Variants in LRRC36 observed in about 807,000 individuals in gnomAD.
LRRC36 encodes the protein leucine-rich repeat-containing protein 36.
A neutral mutation model predicts 81.1 loss-of-function variants in LRRC36; 62 were observed. That is an observed-to-expected ratio of 0.76 (90% CI 0.62 to 0.94). The LOEUF (loss-of-function observed/expected upper bound fraction) is 0.94, where lower values mean the gene tolerates loss of function less well. Among genes scored for constraint, LRRC36 ranks in the 40% least tolerant of loss-of-function variants. LRRC36 has a pLI of 0.00. For missense variants in LRRC36, 761 were observed against 881.7 expected, an observed-to-expected ratio of 0.86 and a Z score of 1.73; for synonymous variants, 334 against 348.6, an observed-to-expected ratio of 0.96 and a Z score of 0.47.
rs528441082 is a variant in LRRC36, at chr16:67,341,153, C to G, written c.71-804C>G. Among the ~76,000 whole-genome samples, 13 of 120,822 alleles carry G rather than the reference C, an allele frequency of 1.1e-4. No homozygotes were observed. In the South Asian group the frequency reaches 1.8e-3, roughly 17 times the overall value. 79.3% of individuals were successfully genotyped at this position (120,822 alleles called of 152,430 possible). A position where few individuals can be genotyped will look rare whatever the true frequency, so the allele number is the denominator to read the frequency against. ...CTACATATTCTATAGAATATGTACT[C>G]TACATATTCTATAGAATATGTACTC... On this transcript the variant is annotated intron_variant, in intron 1 of 13. Transcript: ENST00000329956.
chr16:67,382,585 CTGCTAT>C (rs2040153856), intron 13 of LRRC36, among the ~76,000 whole-genome samples: 1 of 152,104 alleles, frequency 6.6e-6, no homozygotes, highest in African/African-American at 2.4e-5. Context: ...TGGAAAGTGC[CTGCTAT>C]TGGTCACGAA....
In LRRC36 at chr16:67,377,783, C is replaced by T. The variant is rs1419380202; in HGVS notation, c.1807-806C>T. On this transcript the variant is annotated intron_variant, in intron 11 of 13. Transcript: ENST00000329956. ...CCAAGTTGCTAGGACTACAGGCACA[C>T]GCCACCATGCCCAGCTAATTTTTGT... is the stretch of plus-strand genomic sequence containing the variant. Among the ~76,000 whole-genome samples, 7 of 151,904 alleles carry T rather than the reference C, an allele frequency of 4.6e-5. No homozygotes were observed. In the South Asian group the frequency reaches 1.2e-3, roughly 27 times the overall value.
intron 1 of LRRC36, among the ~76,000 whole-genome samples, chr16:67,341,072 T>C (rs1336534160): frequency 8.6e-6 from 1 of 115,882 alleles, no homozygotes. Context: ...CTATAGAATA[T>C]GTACTCTACA....
Position 67,367,447 on chromosome 16 carries a change from G to A in LRRC36, c.1185G>A (p.Lys395=). 6.2e-7 allele frequency: 1 copy of A among 1,610,346 alleles called. No individual in the cohort carries two copies. Among genetic ancestry groups the A allele is most frequent in the Non-Finnish European group, 8.5e-7 (1 of 1,178,040 alleles). ...NPDSSTGRLL[K]LSSDLYATTH... ...ACTCCAGCACTGGAAGGCTTTTGAA[G>A]CTTAGTTCAGGTAACAGCTTCCTGT... The change falls in exon 8 of 14, where the codon AAG becomes AAA. Residue 395 remains lysine, a synonymous_variant. Coordinates refer to ENST00000329956, the MANE Select transcript of LRRC36 (RefSeq NM_018296.6).
intron 5 of LRRC36, among the ~76,000 whole-genome samples, chr16:67,362,461 A>G (rs2039198669): frequency 1.3e-5 from 2 of 152,080 alleles, no homozygotes; most frequent in South Asian, 4.1e-4. Context: ...GTGCCTGGCC[A>G]GAAGTTTGAA....
In LRRC36 at chr16:67,364,043, C is replaced by T. The variant is rs554884630; in HGVS notation, c.702+329C>T. On this transcript the variant is annotated intron_variant, in intron 6 of 13. Coordinates refer to ENST00000329956, the MANE Select transcript of LRRC36 (RefSeq NM_018296.6). ...GGTTTTAAATTTTCTCCCCTCTATC[C>T]AATATCTCCATCTCCTGTTGCCTTG... 3.9e-5 allele frequency among the ~76,000 whole-genome samples: 6 copies of T among 152,326 alleles called. 1 individual carries two copies. Among genetic ancestry groups the T allele is most frequent in the African/African-American group, 1.4e-4 (6 of 41,578 alleles).
At chr16:67,347,041 A>C (rs1267021189) in intron 3 of LRRC36, among the ~76,000 whole-genome samples, 2 of 151,972 alleles carry the variant, frequency 1.3e-5, no homozygotes, top group Non-Finnish European at 2.9e-5. Context: ...CACCCAGCTA[A>C]TTTTTGTGTT....
intron 1 of LRRC36, among the ~76,000 whole-genome samples, chr16:67,331,459 A>G (rs2037487756): frequency 6.6e-6 from 1 of 152,210 alleles, no homozygotes; most frequent in Non-Finnish European, 1.5e-5. Context: ...CAGGAGTTTT[A>G]GGCTGCAGTG....
intron 4 of LRRC36, 95 bp from the exon 5 acceptor site, chr16:67,350,107 G>T (rs1264946951): frequency 1.5e-5 from 12 of 815,178 alleles, no homozygotes; most frequent in Non-Finnish European, 2.4e-5. Flanking sequence ...AGAAAAATCT[G>T]ATCACCATAG....
intron 12 of LRRC36, 44 bp from the exon 13 acceptor site, chr16:67,382,089 C>A: frequency 7.6e-7 from 1 of 1,309,028 alleles, no homozygotes; most frequent in Non-Finnish European, 1.1e-6. Context: ...CAAAGACTAG[C>A]AGCTTGGAAT....
At chr16:67,349,893 T>G (rs1447156241) in intron 4 of LRRC36, among the ~76,000 whole-genome samples, 2 of 152,098 alleles carry the variant, frequency 1.3e-5, no homozygotes, top group African/African-American at 2.4e-5. Context: ...TCTGAGTAGC[T>G]GGGACTACAG....
At position 67,375,299 on chromosome 16, in the gene LRRC36, C is replaced by T. The variant is rs774673776; in HGVS notation, c.1547C>T (p.Pro516Leu). 6.2e-6 allele frequency: 10 copies of T among 1,611,924 alleles called. No individual in the cohort carries two copies. Among genetic ancestry groups the T allele is most frequent in the Non-Finnish European group, 8.5e-6 (10 of 1,179,588 alleles). ...CACGGTTTGGCTGGAAACCACAGTC[C>T]CCCCATCTCTGCCAGAACCCCCCAT... ...SLHGLAGNHS[P>L]PISARTPHVA... The change falls in exon 10 of 14, where the codon CCC becomes CTC. Residue 516 changes from proline (P) to leucine (L), a missense_variant. Physicochemically the swap from Pro to Leu is moderately conservative, Grantham distance 98. Transcript: ENST00000329956.
At chr16:67,347,408 C>T in intron 3 of LRRC36, 87 bp from the exon 4 acceptor site, 3 of 1,578,742 alleles carry the variant, frequency 1.9e-6, no homozygotes, top group Non-Finnish European at 2.6e-6. Flanking sequence ...CCTAATTTTT[C>T]CTCTGCGAAT....
At chr16:67,330,264 G>A (rs1026647831) in intron 1 of LRRC36, among the ~76,000 whole-genome samples, 2 of 151,572 alleles carry the variant, frequency 1.3e-5, no homozygotes, top group Non-Finnish European at 2.9e-5. Flanking sequence ...CTTTCTTTTC[G>A]TGATATCAGC....
chr16:67,356,567 G>GT (rs2038912435), intron 5 of LRRC36, among the ~76,000 whole-genome samples: 1 of 152,172 alleles, frequency 6.6e-6, no homozygotes, highest in Non-Finnish European at 1.5e-5. Context: ...CAAATCCTGT[G>GT]TTGGGGGTAG....
intron 2 of LRRC36, among the ~76,000 whole-genome samples, chr16:67,344,328 T>C (rs904946181): frequency 1.9e-4 from 29 of 152,132 alleles, no homozygotes; most frequent in African/African-American, 7.0e-4. Context: ...TTTATGTCTG[T>C]AATCCCAGCA....
chr16:67,371,350 CAA>C, intron 9 of LRRC36, 108 bp downstream of exon 9: 1 of 1,341,680 alleles, frequency 7.5e-7, no homozygotes, highest in Non-Finnish European at 1.1e-6. Context: ...GCTAGAAATT[CAA>C]AGAGATTTTC....
Position 67,371,253 on chromosome 16 carries a change from G to A in LRRC36, c.1494+11G>A, listed in dbSNP as rs1264869501. 6.2e-7 allele frequency: 1 copy of A among 1,614,000 alleles called. No homozygotes were observed. The highest frequency in any genetic ancestry group is 8.5e-7 in the Non-Finnish European group (1 of 1,180,010). On this transcript the variant is annotated intron_variant, in intron 9 of 13. Coordinates refer to ENST00000329956, the MANE Select transcript of LRRC36 (RefSeq NM_018296.6). ...GCTACAGGCAGCGAGGCAAGTGTTG[G>A]CTTGTTTGTGTTTGTGCGAGAAACA...
chr16:67,364,658 T>C (rs2039303485), intron 6 of LRRC36, among the ~76,000 whole-genome samples: 1 of 152,166 alleles, frequency 6.6e-6, no homozygotes, highest in African/African-American at 2.4e-5. Flanking sequence ...ACAAAGAGTA[T>C]TGCAATCTCC....
Sources: gnomAD v4.1 joint callset for allele counts (sites outside exome capture counted in the v4.1 genomes callset) on GRCh38, gnomAD v4.1.1 for gene constraint, MANE v1.5 for transcripts, NCBI Gene and HGNC (gene_info 2026-07-23, HGNC 2026-07-21) for gene names.